MYT1L: variants seen among roughly 807,000 people sequenced by gnomAD.
MYT1L encodes myelin transcription factor 1 like.
In MYT1L, 12 loss-of-function variants were observed where a neutral mutation model predicts 126.7. That is an observed-to-expected ratio of 0.09 (90% CI 0.06 to 0.15). MYT1L has a LOEUF of 0.15. MYT1L is among the 10% of genes least tolerant of loss of function. The pLI is 1.00. For synonymous variants in MYT1L, 541 were observed against 604.2 expected, an observed-to-expected ratio of 0.90 and a Z score of 1.53; for missense variants, 979 against 1,585.2, an observed-to-expected ratio of 0.62 and a Z score of 6.49.
chr2:2,264,123 G>T (rs932280437), intron 2 of MYT1L, among the ~76,000 whole-genome samples: 2 of 152,190 alleles, frequency 1.3e-5, no homozygotes, highest in Non-Finnish European at 2.9e-5. Flanking sequence ...GACTGACCCT[G>T]AAGCCCAAGT....
chr2:2,051,813 T>G lies in MYT1L; in HGVS notation c.-158+2165A>C, dbSNP rs561474620. ...ATAAGGTCATGGTACACGCTTAAAT[T>G]GCATATAGAAATTCATTACCAGAAA... On this transcript the variant is annotated intron_variant, in intron 4 of 24. Transcript: ENST00000647738. Among the ~76,000 whole-genome samples, 21 of 152,318 alleles carry G rather than the reference T, an allele frequency of 1.4e-4. 1 individual carries two copies. The highest frequency in any genetic ancestry group is 3.4e-3 in the Middle Eastern group (1 of 294).
In MYT1L at chr2:1,841,774, GCAGCTTCCCAAGCACTTCCATCT is replaced by G. The variant is rs557329898; in HGVS notation, c.2775-954_2775-932del. 6.2e-4 allele frequency: 95 copies of G among 152,362 alleles called. 2 individuals are homozygous for G. Among genetic ancestry groups the G allele is most frequent in the African/African-American group, 2.1e-3 (88 of 41,582 alleles). 9.4% of individuals were successfully genotyped at this position (152,362 alleles called of 1,614,324 possible). ...ATTCTTGGGTACTCTGTCTCTCACA[GCAGCTTCCCAAGCACTTCCATCT>G]CAGGTTCGTGTCTTGGGAGACAGTG... is the stretch of plus-strand genomic sequence containing the variant. On this transcript the variant is annotated intron_variant, in intron 19 of 24. Transcript: ENST00000647738.
At chr2:1,907,659 T>G (rs1054624329) in intron 13 of MYT1L, among the ~76,000 whole-genome samples, 2 of 152,246 alleles carry the variant, frequency 1.3e-5, no homozygotes, top group African/African-American at 4.8e-5. Flanking sequence ...TGGAAGCACC[T>G]ACTTAAGTCT....
chr2:2,044,096 T>G (rs1430585796), intron 4 of MYT1L, among the ~76,000 whole-genome samples: 1 of 152,230 alleles, frequency 6.6e-6, no homozygotes, highest in Non-Finnish European at 1.5e-5. Context: ...TGTGTTATTA[T>G]TTCTCTTTTC....
chr2:1,959,097 G>C (rs2058748930), intron 8 of MYT1L, among the ~76,000 whole-genome samples: 1 of 152,186 alleles, frequency 6.6e-6, no homozygotes, highest in South Asian at 2.1e-4. Flanking sequence ...TAGAATGCAT[G>C]ATGACATCAA....
intron 2 of MYT1L, among the ~76,000 whole-genome samples, chr2:2,184,023 AAGAC>A (rs907280898): frequency 1.9e-4 from 28 of 150,784 alleles, no homozygotes; most frequent in Non-Finnish European, 3.7e-4. Context: ...GAGAGAAAGA[AAGAC>A]AGAAAGAGAG....
At chr2:2,086,309 A>G (rs559194469) in intron 3 of MYT1L, among the ~76,000 whole-genome samples, 4 of 152,360 alleles carry the variant, frequency 2.6e-5, no homozygotes, top group African/African-American at 9.6e-5. Flanking sequence ...ACCAATCTGC[A>G]TAATAAGGAA....
chr2:1,963,455 A>G (rs2059118770), intron 8 of MYT1L, among the ~76,000 whole-genome samples: 1 of 152,228 alleles, frequency 6.6e-6, no homozygotes, highest in South Asian at 2.1e-4. Flanking sequence ...TCAGAACAAG[A>G]GAGACAGCCT....
chr2:2,287,220 A>C (rs1019625851), intron 1 of MYT1L, among the ~76,000 whole-genome samples: 1 of 152,082 alleles, frequency 6.6e-6, no homozygotes, highest in Admixed American at 6.6e-5. Flanking sequence ...GTGCCTTTGC[A>C]CTCCAACCTG....
intron 8 of MYT1L, among the ~76,000 whole-genome samples, chr2:1,947,625 T>C (rs976132174): frequency 3.3e-5 from 5 of 152,222 alleles, no homozygotes; most frequent in African/African-American, 1.2e-4. Flanking sequence ...CCGCCCACTT[T>C]CATTGCTTTT....
At chr2:1,868,232 G>A (rs1452583454) in intron 18 of MYT1L, among the ~76,000 whole-genome samples, 2 of 152,176 alleles carry the variant, frequency 1.3e-5, no homozygotes, top group Non-Finnish European at 2.9e-5. Flanking sequence ...CAAAGTGCTG[G>A]GATTACAGGT....
In MYT1L at chr2:2,002,934, G is replaced by A. The variant is rs1178492383; in HGVS notation, c.-157-5587C>T. Among the ~76,000 whole-genome samples the A allele has an allele frequency of 2.0e-5, 3 of 152,072 alleles. No individual in the cohort carries two copies. The East Asian group carries it at 5.8e-4, about 29-fold the overall frequency. On this transcript the variant is annotated intron_variant, in intron 4 of 24. Transcript: ENST00000647738. The stretch of plus-strand genomic sequence containing the variant: ...CTTGCTCCTTCTTTACCTTCTGCCA[G>A]GATTGTAAGTTTCCTGAGCCCTCCC...
chr2:2,218,119 G>C (rs1559368561), intron 2 of MYT1L, among the ~76,000 whole-genome samples: 1 of 152,174 alleles, frequency 6.6e-6, no homozygotes, highest in African/African-American at 2.4e-5. Context: ...TACTGCAGGT[G>C]GGAATGTAAA....
intron 21 of MYT1L, among the ~76,000 whole-genome samples, chr2:1,837,006 CA>C (rs2040994779): frequency 6.6e-6 from 1 of 152,174 alleles, no homozygotes; most frequent in Non-Finnish European, 1.5e-5. Flanking sequence ...GGTCTAGCAG[CA>C]GAAATTTGTG....
chr2:2,192,567 G>A (rs190292661), intron 2 of MYT1L, among the ~76,000 whole-genome samples: 7 of 152,234 alleles, frequency 4.6e-5, no homozygotes, highest in Admixed American at 4.6e-4. Context: ...GGTGGATATC[G>A]TCACATACTT....
At chr2:1,992,269 C>T (rs551255784) in intron 5 of MYT1L, among the ~76,000 whole-genome samples, 7 of 152,146 alleles carry the variant, frequency 4.6e-5, no homozygotes, top group Non-Finnish European at 8.8e-5. Flanking sequence ...TCTTCCCTTC[C>T]GAAGCTTTAA....
At chr2:2,240,843 GT>G (rs2094425656) in intron 2 of MYT1L, among the ~76,000 whole-genome samples, 1 of 152,178 alleles carries the variant, frequency 6.6e-6, no homozygotes, top group South Asian at 2.1e-4. Context: ...CTGTCATGGA[GT>G]TGGAAAAAGG....
intron 14 of MYT1L, 31 bp from the exon 15 acceptor site, chr2:1,892,318 C>T (rs2048993729): frequency 4.5e-6 from 7 of 1,541,032 alleles, no homozygotes; most frequent in East Asian, 4.9e-5. Flanking sequence ...ATGACTCAGG[C>T]CCCGGCCGCA....
intron 9 of MYT1L, among the ~76,000 whole-genome samples, chr2:1,931,283 T>G (rs1429960206): frequency 2.0e-5 from 3 of 152,174 alleles, no homozygotes; most frequent in African/African-American, 4.8e-5. Context: ...AGTGCGCACT[T>G]TGAATACCTC....
Sources: gnomAD v4.1 joint callset for allele counts (sites outside exome capture counted in the v4.1 genomes callset) on GRCh38, gnomAD v4.1.1 for gene constraint, MANE v1.5 for transcripts, NCBI Gene and HGNC (gene_info 2026-07-23, HGNC 2026-07-21) for gene names.